The following SRGAP3 variants were observed in gnomAD, a reference collection of about 807,000 sequenced individuals.
The protein encoded by SRGAP3 is SLIT-ROBO Rho GTPase activating protein 3, also known as SLIT-ROBO Rho GTPase-activating protein 3.
A neutral mutation model predicts 121.1 loss-of-function variants in SRGAP3; 39 were observed. The ratio of observed to expected loss-of-function variants is 0.32; its 90% CI spans 0.25 to 0.42. SRGAP3 has a LOEUF of 0.42. SRGAP3 is among the 10% of genes least tolerant of loss of function. The pLI is 1.00. For missense variants in SRGAP3, 1,213 were observed against 1,470.6 expected, an observed-to-expected ratio of 0.82 and a Z score of 2.86; for synonymous variants, 601 against 570.0, an observed-to-expected ratio of 1.05 and a Z score of -0.77.
At chr3:9,310,414 G>A (rs1224388096) in intron 3 of SRGAP3, among the ~76,000 whole-genome samples, 1 of 152,140 alleles carries the variant, frequency 6.6e-6, no homozygotes, top group Non-Finnish European at 1.5e-5. Flanking sequence ...CTGCAGAGGT[G>A]GATCTTGGTT....
At chr3:9,014,915 A>T (rs1166206345) in intron 15 of SRGAP3, 2 of 152,186 alleles carry the variant, frequency 1.3e-5, no homozygotes, top group African/African-American at 2.4e-5. Context: ...CTTATTTTTT[A>T]AAAAAATTTC....
At chr3:9,303,182 T>C (rs917070669) in intron 3 of SRGAP3, among the ~76,000 whole-genome samples, 6 of 152,146 alleles carry the variant, frequency 3.9e-5, no homozygotes, top group African/African-American at 1.4e-4. Flanking sequence ...CCCAGCACTT[T>C]GGGAGGCCTA....
At chr3:9,204,149 T>C (rs1952179112) in intron 1 of SRGAP3, among the ~76,000 whole-genome samples, 1 of 152,254 alleles carries the variant, frequency 6.6e-6, no homozygotes, top group African/African-American at 2.4e-5. Flanking sequence ...GGAACCCATC[T>C]TGGAAACTAC....
At chr3:9,212,413 C>T (rs774056050) in intron 1 of SRGAP3, among the ~76,000 whole-genome samples, 14 of 152,202 alleles carry the variant, frequency 9.2e-5, no homozygotes, top group Non-Finnish European at 1.9e-4. Context: ...ACATCTCCCT[C>T]CAGTTGCCAT....
chr3:9,152,113 T>C (rs1950231954), intron 1 of SRGAP3, among the ~76,000 whole-genome samples: 1 of 152,226 alleles, frequency 6.6e-6, no homozygotes, highest in Admixed American at 6.5e-5. Context: ...TCTGTTTGAT[T>C]CACTGCTGTA....
intron 1 of SRGAP3, among the ~76,000 whole-genome samples, chr3:9,166,239 G>A (rs2125087897): frequency 6.6e-6 from 1 of 152,256 alleles, no homozygotes; most frequent in East Asian, 1.9e-4. Flanking sequence ...GCTCCAGGAA[G>A]GCAGGCATCA....
chr3:9,141,119 T>G (rs1191281907), intron 1 of SRGAP3, among the ~76,000 whole-genome samples: 3 of 152,180 alleles, frequency 2.0e-5, no homozygotes, highest in African/African-American at 7.2e-5. Context: ...AAAATCTCAC[T>G]TTAGTTACTG....
At position 9,279,600 on chromosome 3, in the gene SRGAP3, A is replaced by G. The variant is rs1559257203; in HGVS notation, n.442+46410T>C. ...GCAATCTCGGCTCACAGCCACCTCA[A>G]CCTCCCGGGTTCAAGCAATTCTCCT... On this transcript the variant is annotated intron_variant and non_coding_transcript_variant, in intron 3 of 3. Coordinates refer to the SRGAP3 transcript ENST00000490889. 4.1e-5 allele frequency among the ~76,000 whole-genome samples: 6 copies of G among 147,786 alleles called. No individual in the cohort carries two copies. The Admixed American group carries it at 4.1e-4, about 10-fold the overall frequency.
chr3:9,201,255 C>T lies in SRGAP3; in HGVS notation c.67+47630G>A, dbSNP rs145321752. Among the ~76,000 whole-genome samples, 4 of 152,294 alleles carry T rather than the reference C, an allele frequency of 2.6e-5. No individual in the cohort carries two copies. The East Asian group carries it at 7.7e-4, about 29-fold the overall frequency. ...AACCCACAAATCAGGCTGGCACCCCCAGCCCCCAAGACCTCAGGTGAGGAA... is the reference window on the plus strand; with the variant it reads ...AACCCACAAATCAGGCTGGCACCCCTAGCCCCCAAGACCTCAGGTGAGGAA... On this transcript the variant is annotated intron_variant, in intron 1 of 21. Coordinates refer to ENST00000383836, the MANE Select transcript of SRGAP3 (RefSeq NM_014850.4).
At chr3:9,288,130 G>GTTTTTTTTTTTTTTTTTTTTTTTTTT (rs57076828) in intron 3 of SRGAP3, among the ~76,000 whole-genome samples, 3 of 119,100 alleles carry the variant, frequency 2.5e-5, no homozygotes, top group Non-Finnish European at 3.4e-5. Context: ...TTCTATCTTT[G>GTTTTTTTTTTTTTTTTTTTTTTTTTT]TTTTTTTTTT....
intron 1 of SRGAP3, among the ~76,000 whole-genome samples, chr3:9,161,410 C>G (rs1013989636): frequency 6.6e-6 from 1 of 152,218 alleles, no homozygotes; most frequent in African/African-American, 2.4e-5. Flanking sequence ...GTGCCAGACA[C>G]TGCACCAAAA....
chr3:9,336,240 C>G (rs962195683), intron 1 of SRGAP3, among the ~76,000 whole-genome samples: 1 of 151,484 alleles, frequency 6.6e-6, no homozygotes, highest in Non-Finnish European at 1.5e-5. Flanking sequence ...CTCTCCCTCT[C>G]GAGTCTCATT....
Position 9,028,262 on chromosome 3 carries a change from C to G in SRGAP3, c.1540-1267G>C. ...AATGCAATGGCAGCCAGCCAAGGTCCTGGGGAGCCTGCCAAACAGCCGGCC... is the reference window on the plus strand; with the variant it reads ...AATGCAATGGCAGCCAGCCAAGGTCGTGGGGAGCCTGCCAAACAGCCGGCC... On this transcript the variant is annotated intron_variant, in intron 12 of 21. Coordinates refer to ENST00000383836, the MANE Select transcript of SRGAP3 (RefSeq NM_014850.4). The G allele has an allele frequency of 7.2e-6, 9 of 1,257,952 alleles. No individual in the cohort carries two copies. The South Asian group carries it at 1.0e-4, about 14-fold the overall frequency. 77.9% of individuals were successfully genotyped at this position (1,257,952 alleles called of 1,614,324 possible).
intron 3 of SRGAP3, among the ~76,000 whole-genome samples, chr3:9,291,632 A>G (rs200513168): frequency 1.0e-4 from 15 of 149,454 alleles, no homozygotes; most frequent in South Asian, 6.4e-4. Context: ...ACACACACAC[A>G]CACGCACACA....
intron 1 of SRGAP3, 72 bp from the exon 2 acceptor site, chr3:9,124,989 G>A (rs1949167715): frequency 6.3e-7 from 1 of 1,580,118 alleles, no homozygotes; most frequent in Non-Finnish European, 8.6e-7. Context: ...CTCTGCTGCT[G>A]GCCTGGGCCC....
intron 5 of SRGAP3, among the ~76,000 whole-genome samples, chr3:9,063,150 T>TTTTA (rs1946255939): frequency 4.1e-5 from 5 of 120,578 alleles, no homozygotes; most frequent in African/African-American, 1.7e-4. Flanking sequence ...TTTTTTTTTT[T>TTTTA]GAGACAGGGT....
chr3:9,144,696 T>C (rs781397397), intron 1 of SRGAP3, among the ~76,000 whole-genome samples: 1 of 152,216 alleles, frequency 6.6e-6, no homozygotes, highest in Non-Finnish European at 1.5e-5. Flanking sequence ...CCTCCCACCA[T>C]GATTCTGAGG....
chr3:9,159,612 C>G (rs764342934), intron 1 of SRGAP3, among the ~76,000 whole-genome samples: 10 of 152,024 alleles, frequency 6.6e-5, no homozygotes, highest in Non-Finnish European at 7.4e-5. Context: ...CCATGACACA[C>G]AGTTTACCCA....
At chr3:9,064,774 T>C (rs969699977) in intron 4 of SRGAP3, among the ~76,000 whole-genome samples, 193 bp from the exon 5 acceptor site, 1 of 151,830 alleles carries the variant, frequency 6.6e-6, no homozygotes, top group Non-Finnish European at 1.5e-5. Context: ...TGATGGTCAT[T>C]ACCATCACCA....
Sources: gnomAD v4.1 joint callset for allele counts (sites outside exome capture counted in the v4.1 genomes callset) on GRCh38, gnomAD v4.1.1 for gene constraint, MANE v1.5 for transcripts, NCBI Gene and HGNC (gene_info 2026-07-23, HGNC 2026-07-21) for gene names.